Variants in TRPM3 observed in about 807,000 individuals in gnomAD.
TRPM3 encodes transient receptor potential cation channel subfamily M member 3, also known as long transient receptor potential channel 3.
A neutral mutation model predicts 181.2 loss-of-function variants in TRPM3; 77 were observed. The observed-to-expected ratio is 0.42, with a 90% CI of 0.35 to 0.51. TRPM3 has a LOEUF of 0.51. Ranked by LOEUF, TRPM3 falls within the 20% of genes least tolerant of loss-of-function variation. The pLI, the probability that TRPM3 is intolerant of heterozygous loss-of-function variation, is 0.01. For missense variants in TRPM3, 1,759 were observed against 2,196.7 expected (o/e 0.80, Z 3.98); for synonymous variants, 745 against 796.4 (o/e 0.94, Z 1.09).
chr9:71,202,392 G>A (rs1472525500), intron 1 of TRPM3, among the ~76,000 whole-genome samples: 1 of 152,096 alleles, frequency 6.6e-6, no homozygotes, highest in Non-Finnish European at 1.5e-5. Flanking sequence ...AGTCTGCAGA[G>A]GTTTACTGCT....
chr9:70,592,970 G>A (rs2058383800), intron 21 of TRPM3, among the ~76,000 whole-genome samples: 2 of 152,022 alleles, frequency 1.3e-5, no homozygotes. Context: ...GAACTTGTGA[G>A]CCACCCGCCT....
intron 5 of TRPM3, among the ~76,000 whole-genome samples, chr9:70,840,615 A>G (rs966698317): frequency 6.6e-6 from 1 of 152,268 alleles, no homozygotes; most frequent in Admixed American, 6.5e-5. Flanking sequence ...GGGAAGAAAC[A>G]AAAGAAGAAA....
chr9:71,239,796 A>T (rs898346069), intron 1 of TRPM3, among the ~76,000 whole-genome samples: 11 of 152,124 alleles, frequency 7.2e-5, no homozygotes, highest in African/African-American at 2.7e-4. Flanking sequence ...ATTAAATAGG[A>T]ATGCGGAAAA....
intron 1 of TRPM3, among the ~76,000 whole-genome samples, chr9:71,428,252 C>T (rs569000197): frequency 1.7e-4 from 25 of 149,328 alleles, no homozygotes; most frequent in African/African-American, 5.4e-4. Context: ...CCACCATGCC[C>T]GGCTTTTTTT....
chr9:70,961,643 C>A (rs2097137683), intron 1 of TRPM3, among the ~76,000 whole-genome samples: 1 of 152,150 alleles, frequency 6.6e-6, no homozygotes, highest in Non-Finnish European at 1.5e-5. Context: ...TCTACTATTA[C>A]TTTAAGCTAA....
intron 1 of TRPM3, among the ~76,000 whole-genome samples, chr9:70,964,801 A>T (rs1428743639): frequency 6.6e-6 from 1 of 152,102 alleles, no homozygotes; most frequent in African/African-American, 2.4e-5. Context: ...GTTCTATTTC[A>T]GCAATCAGAA....
chr9:71,189,470 T>C (rs1485615746), intron 1 of TRPM3, among the ~76,000 whole-genome samples: 1 of 152,034 alleles, frequency 6.6e-6, no homozygotes, highest in East Asian at 1.9e-4. Flanking sequence ...TGTTCATTTA[T>C]TGGATGTACA....
At chr9:71,373,765 T>C (rs887159315) in intron 1 of TRPM3, among the ~76,000 whole-genome samples, 4 of 152,132 alleles carry the variant, frequency 2.6e-5, no homozygotes, top group African/African-American at 9.7e-5. Context: ...GACTCTTCCC[T>C]TACTCAATCT....
intron 1 of TRPM3, among the ~76,000 whole-genome samples, chr9:71,264,827 T>A (rs901622449): frequency 2.6e-5 from 4 of 152,132 alleles, no homozygotes; most frequent in Non-Finnish European, 5.9e-5. Flanking sequence ...TCTTCTCACC[T>A]TTTAAAACCA....
intron 1 of TRPM3, among the ~76,000 whole-genome samples, chr9:71,192,391 T>G (rs1480270956): frequency 6.6e-6 from 1 of 151,836 alleles, no homozygotes; most frequent in Non-Finnish European, 1.5e-5. Flanking sequence ...TAAAAAAATT[T>G]TTAAGAGAAT....
intron 1 of TRPM3, among the ~76,000 whole-genome samples, chr9:71,172,713 C>T (rs2076927665): frequency 6.6e-6 from 1 of 152,174 alleles, no homozygotes; most frequent in African/African-American, 2.4e-5. Flanking sequence ...AGCTCTCTCA[C>T]TGGCACTCAG....
At chr9:70,876,815 A>AT (rs1317586500) in intron 1 of TRPM3, among the ~76,000 whole-genome samples, 6 of 152,060 alleles carry the variant, frequency 3.9e-5, no homozygotes, top group African/African-American at 1.4e-4. Context: ...ACAAGTTATC[A>AT]TTTTTCCCCT....
chr9:71,031,722 G>C (rs1487567717), intron 1 of TRPM3, among the ~76,000 whole-genome samples: 1 of 150,668 alleles, frequency 6.6e-6, no homozygotes, highest in Non-Finnish European at 1.5e-5. Flanking sequence ...TCAACTTCAG[G>C]GTCAAGGCTG....
intron 21 of TRPM3, 126 bp downstream of exon 21, chr9:70,598,289 AAAAT>A (rs1236486411): frequency 1.6e-6 from 2 of 1,247,584 alleles, no homozygotes; most frequent in Non-Finnish European, 2.2e-6. Context: ...AGGAATTCAT[AAAAT>A]AAAACACCTC....
At chr9:70,583,509 C>T (rs1407329446) in intron 22 of TRPM3, among the ~76,000 whole-genome samples, 5 of 152,076 alleles carry the variant, frequency 3.3e-5, no homozygotes, top group Non-Finnish European at 5.9e-5. Context: ...ATGGAACAAG[C>T]GCTAAATTTA....
chr9:71,386,541 G>C (rs927815701), intron 1 of TRPM3, among the ~76,000 whole-genome samples: 3 of 152,030 alleles, frequency 2.0e-5, no homozygotes, highest in African/African-American at 4.8e-5. Flanking sequence ...AGAAATCTTG[G>C]CTCTGAACTG....
At chr9:71,000,100 G>A (rs1484898646) in intron 1 of TRPM3, among the ~76,000 whole-genome samples, 1 of 152,156 alleles carries the variant, frequency 6.6e-6, no homozygotes, top group Non-Finnish European at 1.5e-5. Flanking sequence ...TCTGAGGGAA[G>A]GGAAACCCCT....
intron 1 of TRPM3, among the ~76,000 whole-genome samples, chr9:71,203,377 T>A (rs2078922694): frequency 6.6e-6 from 1 of 152,222 alleles, no homozygotes; most frequent in African/African-American, 2.4e-5. Flanking sequence ...CCTCTTAACA[T>A]GTCTCAGTAA....
intron 1 of TRPM3, among the ~76,000 whole-genome samples, chr9:70,938,027 A>G (rs1212412374): frequency 1.3e-5 from 2 of 152,228 alleles, no homozygotes; most frequent in Non-Finnish European, 2.9e-5. Flanking sequence ...TCCAATAAGC[A>G]AGCAGCAGTT....
Sources: gnomAD v4.1 joint callset for allele counts (sites outside exome capture counted in the v4.1 genomes callset) on GRCh38, gnomAD v4.1.1 for gene constraint, MANE v1.5 for transcripts, NCBI Gene and HGNC (gene_info 2026-07-23, HGNC 2026-07-21) for gene names.